Variants in CCDC93 observed in about 807,000 individuals in gnomAD.
CCDC93 encodes the protein coiled-coil domain-containing protein 93.
In CCDC93, 61 loss-of-function variants were observed where a neutral mutation model predicts 108.2. The ratio of observed to expected loss-of-function variants is 0.56; its 90% CI spans 0.46 to 0.70. The LOEUF (loss-of-function observed/expected upper bound fraction) is 0.70. Ranked by LOEUF, CCDC93 falls within the 30% of genes least tolerant of loss-of-function variation. The probability of loss-of-function intolerance (pLI) is 0.00; values close to 1 mark genes in which losing one functional copy is unlikely to be tolerated. For synonymous variants in CCDC93, 276 were observed against 260.4 expected (o/e 1.06, Z -0.58); for missense variants, 685 against 764.2 (o/e 0.90, Z 1.22).
At chr2:117,985,818 T>C (rs1680299523) in intron 7 of CCDC93, 151 bp downstream of exon 7, 1 of 553,298 alleles carries the variant, frequency 1.8e-6, no homozygotes, top group Admixed American at 3.3e-5. Flanking sequence ...AACAGGTAAT[T>C]CATTACCAGA....
At chr2:117,996,763 C>G (rs527365212) in intron 4 of CCDC93, 4 of 157,708 alleles carry the variant, frequency 2.5e-5, no homozygotes, top group African/African-American at 9.6e-5. Context: ...GTCCTACTGG[C>G]AGATCTTCAT....
At chr2:117,999,026 G>C (rs1680753957) in intron 4 of CCDC93, 2 of 152,214 alleles carry the variant, frequency 1.3e-5, no homozygotes, top group Admixed American at 1.3e-4. Flanking sequence ...GTAACACTTA[G>C]AGAGCACTTA....
intron 23 of CCDC93, among the ~76,000 whole-genome samples, chr2:117,928,362 T>C (rs1678198319): frequency 6.6e-6 from 1 of 152,016 alleles, no homozygotes; most frequent in South Asian, 2.1e-4. Context: ...AATCTACTCA[T>C]CTGACAAAGG....
chr2:117,935,418 G>A, intron 22 of CCDC93, 77 bp downstream of exon 22: 1 of 1,031,048 alleles, frequency 9.7e-7, no homozygotes. Context: ...ACTACCAGAA[G>A]AGGCCTTTTC....
chr2:117,999,477 A>C (rs1403490000), intron 4 of CCDC93: 1 of 152,210 alleles, frequency 6.6e-6, no homozygotes, highest in Non-Finnish European at 1.5e-5. Context: ...CGCTTCAAAG[A>C]ACTCTAATAG....
At chr2:117,962,742 C>T (rs1034083292) in intron 11 of CCDC93, among the ~76,000 whole-genome samples, 1 of 152,088 alleles carries the variant, frequency 6.6e-6, no homozygotes, top group African/African-American at 2.4e-5. Flanking sequence ...TTCGGAAGGC[C>T]AAAAAGTAAC....
intron 7 of CCDC93, among the ~76,000 whole-genome samples, chr2:117,980,009 C>A (rs1680066314): frequency 6.6e-6 from 1 of 152,334 alleles, no homozygotes; most frequent in East Asian, 1.9e-4. Flanking sequence ...GGTTCTGGGG[C>A]TAGCAGCTAT....
At chr2:117,998,224 G>C (rs766003789) in intron 4 of CCDC93, 2 of 152,138 alleles carry the variant, frequency 1.3e-5, no homozygotes, top group Non-Finnish European at 2.9e-5. Flanking sequence ...TTGCTAAAAT[G>C]GTGTGAACAC....
In CCDC93 at chr2:118,011,739, C is replaced by A. The variant is rs1573538274; in HGVS notation, c.42+2215G>T. Among the ~76,000 whole-genome samples the A allele has an allele frequency of 2.0e-5, 3 of 152,304 alleles. No individual in the cohort carries two copies. The South Asian group carries it at 6.2e-4, about 32-fold the overall frequency. On this transcript the variant is annotated intron_variant, in intron 1 of 23. Coordinates refer to ENST00000376300, the MANE Select transcript of CCDC93 (RefSeq NM_019044.5). ...TAATGGACACCCACTGGCCACCCCACCACAGATGCAGGGCCCAGGCTTCCA... is the reference window on the plus strand; with the variant it reads ...TAATGGACACCCACTGGCCACCCCAACACAGATGCAGGGCCCAGGCTTCCA...
intron 12 of CCDC93, among the ~76,000 whole-genome samples, chr2:117,953,558 T>C (rs372412093): frequency 1.3e-5 from 2 of 152,150 alleles, no homozygotes; most frequent in African/African-American, 2.4e-5. Flanking sequence ...GTCTGAATGT[T>C]AGTGTCTGCC....
intron 10 of CCDC93, among the ~76,000 whole-genome samples, chr2:117,974,293 A>C (rs1573503518): frequency 6.6e-6 from 1 of 152,090 alleles, no homozygotes; most frequent in Non-Finnish European, 1.5e-5. Context: ...ACCTCCTGAG[A>C]GTCACCAAAC....
intron 2 of CCDC93, 40 bp downstream of exon 2, chr2:118,008,505 G>T: frequency 8.7e-7 from 1 of 1,144,322 alleles, no homozygotes; most frequent in South Asian, 1.3e-5. Flanking sequence ...ATGTCATTCT[G>T]ACAAAAGATA....
intron 22 of CCDC93, among the ~76,000 whole-genome samples, chr2:117,933,699 G>GGAAAGC (rs1472402249): frequency 6.7e-6 from 1 of 149,850 alleles, no homozygotes; most frequent in Admixed American, 6.7e-5. Flanking sequence ...ACTGTTACAG[G>GGAAAGC]GAAAGCTTTT....
rs1346793228 is a variant in CCDC93 at position 117,935,483 on chromosome 2, A to C, written c.1728+12T>G. 2.5e-6 allele frequency: 4 copies of C among 1,600,744 alleles called. No homozygotes were observed. Among genetic ancestry groups the C allele is most frequent in the Middle Eastern group, 1.7e-4 (1 of 6,036 alleles). On this transcript the variant is annotated intron_variant, in intron 22 of 23. Coordinates refer to ENST00000376300, the MANE Select transcript of CCDC93 (RefSeq NM_019044.5). ...AAACCTGGGCTGCATTACAGAAAAG[A>C]AGCCATCTGACCTTCATTCTACTTT...
intron 14 of CCDC93, among the ~76,000 whole-genome samples, chr2:117,949,039 AC>A (rs1265645619): frequency 6.6e-6 from 1 of 152,220 alleles, no homozygotes. Flanking sequence ...CCTTTTCTGT[AC>A]TATGAAGGTA....
At chr2:117,949,416 A>G (rs1678979368) in intron 13 of CCDC93, 21 bp from the exon 14 acceptor site, 1 of 1,577,654 alleles carries the variant, frequency 6.3e-7, no homozygotes, top group Non-Finnish European at 8.7e-7. Context: ...GAATGAAGAC[A>G]TGGTTGCTGG....
At chr2:117,937,313 C>G (rs1208555984) in intron 20 of CCDC93, among the ~76,000 whole-genome samples, 1 of 152,112 alleles carries the variant, frequency 6.6e-6, no homozygotes, top group East Asian at 1.9e-4. Context: ...ATGATACAGT[C>G]CTGGGAAGGG....
intron 11 of CCDC93, among the ~76,000 whole-genome samples, chr2:117,968,366 T>C (rs772267632): frequency 6.6e-6 from 1 of 152,204 alleles, no homozygotes; most frequent in Non-Finnish European, 1.5e-5. Context: ...ATAAATGCTA[T>C]GATGCAGTGA....
At chr2:117,971,098 G>A (rs1040664803) in intron 11 of CCDC93, among the ~76,000 whole-genome samples, 2 of 152,208 alleles carry the variant, frequency 1.3e-5, no homozygotes, top group Admixed American at 1.3e-4. Context: ...CACAGTGGCT[G>A]AGACCTGCAA....
Sources: gnomAD v4.1 joint callset for allele counts (sites outside exome capture counted in the v4.1 genomes callset) on GRCh38, gnomAD v4.1.1 for gene constraint, MANE v1.5 for transcripts, NCBI Gene and HGNC (gene_info 2026-07-23, HGNC 2026-07-21) for gene names.